MYO3B: variants seen among roughly 807,000 people sequenced by gnomAD.
The protein encoded by MYO3B is myosin IIIB, also known as myosin-IIIb.
In MYO3B, 156 loss-of-function variants were observed where a neutral mutation model predicts 174.6. The ratio of observed to expected loss-of-function variants is 0.89; its 90% CI spans 0.78 to 1.02. MYO3B has a LOEUF of 1.02. MYO3B is among the 50% of genes least tolerant of loss of function. The pLI is 0.00. For missense variants in MYO3B, 1,632 were observed against 1,639.4 expected (o/e 1.00, Z 0.08); for synonymous variants, 563 against 569.1 (o/e 0.99, Z 0.15).
At chr2:170,207,026 T>C (rs1275018353) in intron 3 of MYO3B, among the ~76,000 whole-genome samples, 1 of 152,154 alleles carries the variant, frequency 6.6e-6, no homozygotes, top group Non-Finnish European at 1.5e-5. Flanking sequence ...GTTATTGTAA[T>C]CTCAAGCATG....
At chr2:170,393,289 G>A (rs190464494) in intron 16 of MYO3B, among the ~76,000 whole-genome samples, 264 of 151,754 alleles carry the variant, frequency 1.7e-3, no homozygotes, top group Non-Finnish European at 1.6e-3. Flanking sequence ...TCACCATGTT[G>A]GCCAAGCTGG....
chr2:170,417,837 G>A (rs981968969), intron 22 of MYO3B, among the ~76,000 whole-genome samples: 4 of 152,158 alleles, frequency 2.6e-5, no homozygotes, highest in Non-Finnish European at 4.4e-5. Context: ...ATCTACGAAG[G>A]CCCTATATCC....
intron 32 of MYO3B, among the ~76,000 whole-genome samples, chr2:170,568,907 T>G (rs1692241791): frequency 6.6e-6 from 1 of 152,032 alleles, no homozygotes; most frequent in South Asian, 2.1e-4. Context: ...TAAAAGATGT[T>G]TAGGGAAAAG....
chr2:170,394,223 C>A (rs919692074), intron 16 of MYO3B, among the ~76,000 whole-genome samples: 8 of 152,126 alleles, frequency 5.3e-5, no homozygotes, highest in Non-Finnish European at 7.4e-5. Context: ...GTTATTTATA[C>A]CCTACTGCTC....
intron 22 of MYO3B, among the ~76,000 whole-genome samples, chr2:170,415,581 C>T (rs575707942): frequency 3.3e-5 from 5 of 152,314 alleles, no homozygotes; most frequent in African/African-American, 1.2e-4. Flanking sequence ...TATATTGTTG[C>T]TCAATAAATG....
At chr2:170,481,987 T>C (rs1423851158) in intron 25 of MYO3B, among the ~76,000 whole-genome samples, 2 of 152,192 alleles carry the variant, frequency 1.3e-5, no homozygotes, top group East Asian at 3.8e-4. Flanking sequence ...ATGGTTTGGC[T>C]GTGTCCTCAC....
chr2:170,232,817 A>G (rs1375314753), intron 6 of MYO3B, among the ~76,000 whole-genome samples: 2 of 152,236 alleles, frequency 1.3e-5, no homozygotes, highest in African/African-American at 2.4e-5. Flanking sequence ...TTTGTGAATT[A>G]TTTTATTAGC....
intron 22 of MYO3B, among the ~76,000 whole-genome samples, chr2:170,431,265 G>T (rs1045529519): frequency 2.6e-5 from 4 of 151,854 alleles, no homozygotes; most frequent in Non-Finnish European, 5.9e-5. Flanking sequence ...GCTCTAAAAG[G>T]AAATTCTCCT....
Position 170,432,531 on chromosome 2 carries a change from T to TA in MYO3B, c.2651-11429dup, listed in dbSNP as rs757995944. Among the ~76,000 whole-genome samples the TA allele has an allele frequency of 5.9e-5, 9 of 151,850 alleles. No individual in the cohort carries two copies. The South Asian group carries it at 1.2e-3, about 21-fold the overall frequency. On this transcript the variant is annotated intron_variant, in intron 22 of 34. Coordinates refer to ENST00000408978, the MANE Select transcript of MYO3B (RefSeq NM_138995.5). ...TTTAATATTTTAAAAGTTTGTGAGG[T>TA]AAAAAAAGTTATGGTAAGTGGTTAA...
chr2:170,438,708 C>T lies in MYO3B; in HGVS notation c.2651-5259C>T, dbSNP rs966748530. 3.9e-5 allele frequency among the ~76,000 whole-genome samples: 6 copies of T among 151,950 alleles called. No homozygotes were observed. The East Asian group carries it at 5.8e-4, about 15-fold the overall frequency. On this transcript the variant is annotated intron_variant, in intron 22 of 34. Coordinates refer to ENST00000408978, the MANE Select transcript of MYO3B (RefSeq NM_138995.5). ...GGAGTGCAGTGGCATGATTTTGGCT[C>T]ACTGCAGCCTCCCCCTCCCAAGTTC...
At chr2:170,286,923 C>T (rs2093561082) in intron 7 of MYO3B, among the ~76,000 whole-genome samples, 1 of 152,112 alleles carries the variant, frequency 6.6e-6, no homozygotes, top group African/African-American at 2.4e-5. Flanking sequence ...AATTTACTCT[C>T]TGTCTTTATG....
intron 1 of MYO3B, among the ~76,000 whole-genome samples, chr2:170,181,209 T>C (rs1266340176): frequency 6.6e-6 from 1 of 152,164 alleles, no homozygotes; most frequent in African/African-American, 2.4e-5. Flanking sequence ...CATATTGCTC[T>C]ACAATTGTTT....
rs377538886 is a variant in MYO3B at position 170,381,046 on chromosome 2, A to C, written c.972-970A>C. ...TGAGTGGGGAGGGTTGCTTGAGCCC[A>C]AGAGTTTGAGGCTGCAGTGAGCTAT... On this transcript the variant is annotated intron_variant, in intron 9 of 34. Transcript: ENST00000408978. 7.5e-4 allele frequency among the ~76,000 whole-genome samples: 115 copies of C among 152,318 alleles called. 2 individuals are homozygous for C. The South Asian group carries it at 0.023, about 31-fold the overall frequency.
intron 7 of MYO3B, among the ~76,000 whole-genome samples, chr2:170,308,629 A>C (rs1469652141): frequency 6.6e-6 from 1 of 151,984 alleles, no homozygotes; most frequent in Non-Finnish European, 1.5e-5. Context: ...TCATATACTC[A>C]TGTTGATTTA....
intron 32 of MYO3B, among the ~76,000 whole-genome samples, chr2:170,643,523 C>T (rs1698140692): frequency 6.6e-6 from 1 of 152,180 alleles, no homozygotes; most frequent in Non-Finnish European, 1.5e-5. Flanking sequence ...ATTAATTGCA[C>T]AACTCTAATC....
chr2:170,359,806 C>T (rs1558922560), intron 8 of MYO3B, among the ~76,000 whole-genome samples: 1 of 152,160 alleles, frequency 6.6e-6, no homozygotes, highest in Non-Finnish European at 1.5e-5. Flanking sequence ...TACTTTTCAG[C>T]CTTAAATTAT....
intron 25 of MYO3B, among the ~76,000 whole-genome samples, chr2:170,474,903 T>G (rs1685227200): frequency 6.6e-6 from 1 of 152,084 alleles, no homozygotes; most frequent in African/African-American, 2.4e-5. Flanking sequence ...ATTTAGAATT[T>G]CGTAGGAACA....
In MYO3B at chr2:170,563,264, A is replaced by T. The variant is rs550134805; in HGVS notation, c.3733+19276A>T. ...GATTATTTTTTAAGGTTGGGGCAAG[A>T]TATAGTGAAACCATAAAGGATAGTG... On this transcript the variant is annotated intron_variant, in intron 32 of 34. Coordinates refer to ENST00000408978, the MANE Select transcript of MYO3B (RefSeq NM_138995.5). 1.5e-4 allele frequency among the ~76,000 whole-genome samples: 23 copies of T among 152,292 alleles called. No homozygotes were observed. The South Asian group carries it at 4.6e-3, about 30-fold the overall frequency.
At chr2:170,264,268 G>T (rs1257002464) in intron 7 of MYO3B, among the ~76,000 whole-genome samples, 2 of 152,162 alleles carry the variant, frequency 1.3e-5, no homozygotes, top group Non-Finnish European at 2.9e-5. Flanking sequence ...AAATGCCCCA[G>T]TGCTCTGTTA....
Sources: allele counts gnomAD v4.1 joint callset (sites outside exome capture counted in the v4.1 genomes callset), GRCh38; gene constraint gnomAD v4.1.1; transcripts MANE v1.5; gene names NCBI Gene and HGNC (gene_info 2026-07-23, HGNC 2026-07-21).